Variants in LYST observed in about 807,000 individuals in gnomAD.
The protein encoded by LYST is lysosomal trafficking regulator.
In LYST, 192 loss-of-function variants were observed where a neutral mutation model predicts 413.6. The observed-to-expected ratio is 0.46, with a 90% CI of 0.41 to 0.52. LYST has a LOEUF of 0.52. Among genes scored for constraint, LYST ranks in the 20% least tolerant of loss-of-function variants. The pLI, the probability that LYST is intolerant of heterozygous loss-of-function variation, is 0.00. For synonymous variants in LYST, 1,525 were observed against 1,567.3 expected, an observed-to-expected ratio of 0.97 and a Z score of 0.64; for missense variants, 3,815 against 4,499.9, an observed-to-expected ratio of 0.85 and a Z score of 4.35.
In LYST at chr1:235,801,070, CCTT is replaced by C. The variant is rs1672161365; in HGVS notation, c.3737_3739del (p.Glu1246del). On this transcript the variant is annotated inframe_deletion, in exon 9 of 53. Transcript: ENST00000389793. ...ATTTGGACTGCTTGATGCACTGAAA[CCTT>C]CTGTTTCAGACTTTAAGTCTACCCC... is the stretch of plus-strand genomic sequence containing the variant. The C allele has an allele frequency of 6.2e-7, 1 of 1,611,854 alleles. No homozygotes were observed. Among genetic ancestry groups the C allele is most frequent in the Non-Finnish European group, 8.5e-7 (1 of 1,178,280 alleles).
At chr1:235,835,384 G>A (rs1676461582) in intron 1 of LYST, among the ~76,000 whole-genome samples, 1 of 152,154 alleles carries the variant, frequency 6.6e-6, no homozygotes, top group South Asian at 2.1e-4. Context: ...CATCTATCTT[G>A]CAATGCTAAG....
intron 48 of LYST, among the ~76,000 whole-genome samples, chr1:235,679,139 G>A (rs150687112): frequency 5.8e-4 from 89 of 152,252 alleles, no homozygotes; most frequent in African/African-American, 2.0e-3. Context: ...TAGCTAGGGC[G>A]TGTGACCTTC....
At chr1:235,773,533 G>C (rs1044216692) in intron 19 of LYST, among the ~76,000 whole-genome samples, 1 of 152,110 alleles carries the variant, frequency 6.6e-6, no homozygotes, top group African/African-American at 2.4e-5. Context: ...TAAGCTAAGT[G>C]AAATAAGCTA....
intron 1 of LYST, among the ~76,000 whole-genome samples, chr1:235,844,252 A>C (rs115230933): frequency 0.011 from 1,459 of 130,220 alleles, 36 homozygotes; most frequent in African/African-American, 0.042. Flanking sequence ...AGTAAAAATA[A>C]AAAATCTTTA....
chr1:235,666,714 A>C (rs751616829), intron 50 of LYST, among the ~76,000 whole-genome samples: 2 of 152,154 alleles, frequency 1.3e-5, no homozygotes, highest in African/African-American at 4.8e-5. Context: ...CAGGAGACTC[A>C]GTATGCTAAA....
At chr1:235,840,173 T>C (rs1177661743) in intron 1 of LYST, 1 of 152,224 alleles carries the variant, frequency 6.6e-6, no homozygotes, top group African/African-American at 2.4e-5. Context: ...GAAGATTACA[T>C]TACGGTGGCA....
chr1:235,856,042 A>G (rs1679139633), intron 1 of LYST, among the ~76,000 whole-genome samples: 1 of 152,104 alleles, frequency 6.6e-6, no homozygotes, highest in South Asian at 2.1e-4. Flanking sequence ...GAACAGAAAT[A>G]AGAAAGAAAT....
At chr1:235,843,779 T>C (rs535016449) in intron 1 of LYST, among the ~76,000 whole-genome samples, 1 of 152,306 alleles carries the variant, frequency 6.6e-6, no homozygotes, top group African/African-American at 2.4e-5. Flanking sequence ...ACAAAAAAGG[T>C]TATAATAATG....
rs1207907891 is a variant in LYST at position 235,690,927 on chromosome 1, T to C, written c.10701+2423A>G. On this transcript the variant is annotated intron_variant, in intron 47 of 52. Transcript: ENST00000389793. ...AGTTTACAAGTTTCTTTTTTTTTTT[T>C]TTCCCTTGAGACAGAGTCTCGTTCT... is the stretch of plus-strand genomic sequence containing the variant. 7.2e-5 allele frequency among the ~76,000 whole-genome samples: 11 copies of C among 152,122 alleles called. No individual in the cohort carries two copies. The East Asian group carries it at 2.1e-3, about 29-fold the overall frequency.
At chr1:235,837,390 A>T (rs897385483) in intron 1 of LYST, among the ~76,000 whole-genome samples, 1 of 152,152 alleles carries the variant, frequency 6.6e-6, no homozygotes, top group Non-Finnish European at 1.5e-5. Flanking sequence ...CACTTTGGGA[A>T]GGTGAGGTAG....
At chr1:235,806,841 A>G (rs1208302006) in intron 5 of LYST, 69 bp from the exon 6 acceptor site, 4 of 964,996 alleles carry the variant, frequency 4.1e-6, no homozygotes, top group Non-Finnish European at 6.5e-6. Context: ...GGTACATATA[A>G]TATTTAATAT....
Position 235,810,051 on chromosome 1 carries a change from T to C in LYST, c.767A>G (p.Asp256Gly). The stretch of plus-strand genomic sequence containing the variant: ...TAAAGATAACAAAACATGACATAAG[T>C]CAAATGGAGAATTGTTCATGTTACT... ...VISNMNNSPF[D>G]LCHVLLSLLE... The change falls in exon 5 of 53, where the codon GAC (aspartate) becomes GGC (glycine). Residue 256 changes from aspartate to glycine, a missense_variant. By Grantham distance (94) the Asp-to-Gly change is moderately conservative. Transcript: ENST00000389793. 6.2e-7 allele frequency: 1 copy of C among 1,613,960 alleles called. No individual in the cohort carries two copies. The highest frequency in any genetic ancestry group is 8.5e-7 in the Non-Finnish European group (1 of 1,179,930).
chr1:235,666,140 G>A (rs1658431673), intron 50 of LYST, among the ~76,000 whole-genome samples: 1 of 151,884 alleles, frequency 6.6e-6, no homozygotes, highest in South Asian at 2.1e-4. Context: ...TGCCCAGTGT[G>A]TTGCAGCATT....
chr1:235,871,091 A>G (rs1410654376), upstream of LYST, among the ~76,000 whole-genome samples: 2 of 152,240 alleles, frequency 1.3e-5, no homozygotes, highest in Non-Finnish European at 2.9e-5. Context: ...GGATGCATAT[A>G]CATCTTTTAC....
chr1:235,693,447 G>A lies in LYST; in HGVS notation c.10604C>T (p.Ala3535Val), dbSNP rs1414279372. ...ATCAGCATATCCCCAGCTCAGGATGGCTGACCACTGAATGTCCGTACTGTT... is the reference window on the plus strand; with the variant it reads ...ATCAGCATATCCCCAGCTCAGGATGACTGACCACTGAATGTCCGTACTGTT... ...SMNSTDIQWS[A>V]ILSWGYADNI... Residue 3535 changes from alanine (A) to valine (V), a missense_variant, in exon 47 of 53, where the codon GCC (alanine) becomes GTC (valine). Physicochemically the swap from Ala to Val is moderately conservative, Grantham distance 64. Coordinates refer to ENST00000389793, the MANE Select transcript of LYST (RefSeq NM_000081.4). The A allele has an allele frequency of 5.6e-6, 9 of 1,613,184 alleles. No homozygotes were observed. The highest frequency in any genetic ancestry group is 7.6e-6 in the Non-Finnish European group (9 of 1,179,276).
chr1:235,860,038 T>C (rs188013645), intron 1 of LYST, among the ~76,000 whole-genome samples: 189 of 152,286 alleles, frequency 1.2e-3, no homozygotes, highest in African/African-American at 4.4e-3. Flanking sequence ...GGCAAGCTGG[T>C]CTATAGTTTT....
chr1:235,857,778 C>CATAT (rs1191462114), intron 1 of LYST, among the ~76,000 whole-genome samples: 7 of 140,726 alleles, frequency 5.0e-5, no homozygotes, highest in African/African-American at 2.0e-4. Context: ...CACACACACA[C>CATAT]ACACACATAT....
chr1:235,744,250 A>G (rs552144859), intron 29 of LYST, 93 bp from the exon 30 acceptor site: 2 of 713,080 alleles, frequency 2.8e-6, no homozygotes, highest in African/African-American at 3.6e-5. Context: ...TATTGTATTT[A>G]ATTACTAATT....
Position 235,693,493 on chromosome 1 carries a change from GAGA to G in LYST, c.10565-10_10565-8del, listed in dbSNP as rs761770704. Reference sequence around the variant, plus strand: ...CTGTTCATGCTTCTCACACCTCAAGGAGAAGGAGAAAGAAAAGTATCAGATTGT... The same window carrying G: ...CTGTTCATGCTTCTCACACCTCAAGGAGGAGAAAGAAAAGTATCAGATTGT... On this transcript the variant is annotated splice_region_variant and splice_polypyrimidine_tract_variant and intron_variant, in intron 46 of 52. Coordinates refer to ENST00000389793, the MANE Select transcript of LYST (RefSeq NM_000081.4). The G allele has an allele frequency of 2.5e-6, 4 of 1,613,972 alleles. No homozygotes were observed. Among genetic ancestry groups the G allele is most frequent in the East Asian group, 2.2e-5 (1 of 44,872 alleles).
Sources: gnomAD v4.1 joint callset for allele counts (sites outside exome capture counted in the v4.1 genomes callset) on GRCh38, gnomAD v4.1.1 for gene constraint, MANE v1.5 for transcripts, NCBI Gene and HGNC (gene_info 2026-07-23, HGNC 2026-07-21) for gene names.